Variants in ANKRD30B observed in about 807,000 individuals in gnomAD.
The protein encoded by ANKRD30B is ankyrin repeat domain 30B, also known as ankyrin repeat domain-containing protein 30B.
In ANKRD30B, 144 loss-of-function variants were observed where a neutral mutation model predicts 202.2. That is an observed-to-expected ratio of 0.71 (90% CI 0.62 to 0.82). The LOEUF is 0.82. ANKRD30B is among the 40% of genes least tolerant of loss of function. The pLI, the probability that ANKRD30B is intolerant of heterozygous loss-of-function variation, is 0.00. For synonymous variants in ANKRD30B, 508 were observed against 561.3 expected, an observed-to-expected ratio of 0.91 and a Z score of 1.34; for missense variants, 1,487 against 1,669.1, an observed-to-expected ratio of 0.89 and a Z score of 1.90.
At chr18:14,896,146 T>C in the ANKRD30B span, among the ~76,000 whole-genome samples, 1 of 151,970 alleles carries the variant, frequency 6.6e-6, no homozygotes, top group Non-Finnish European at 1.5e-5. Flanking sequence ...ATTTTTTTTT[T>C]TTTTTGAGGC....
At chr18:14,835,598 A>T (rs1339168626) in intron 34 of ANKRD30B, among the ~76,000 whole-genome samples, 2 of 151,586 alleles carry the variant, frequency 1.3e-5, no homozygotes, top group African/African-American at 4.8e-5. Flanking sequence ...TCTGCTTGAC[A>T]ATCATAGATA....
chr18:14,818,522 C>A (rs1970238816), intron 30 of ANKRD30B, among the ~76,000 whole-genome samples: 1 of 96,038 alleles, frequency 1.0e-5, no homozygotes, highest in Non-Finnish European at 2.2e-5. Context: ...TCCCCCCACC[C>A]TACAACAGTC....
intron 9 of ANKRD30B, among the ~76,000 whole-genome samples, chr18:14,774,811 T>C (rs183180282): frequency 1.9e-4 from 29 of 152,056 alleles, no homozygotes; most frequent in Non-Finnish European, 7.4e-5. Flanking sequence ...ATTTTTGTTC[T>C]AGGTTATTTT....
the ANKRD30B span, among the ~76,000 whole-genome samples, chr18:14,873,894 G>C: frequency 1.3e-5 from 2 of 152,110 alleles, no homozygotes; most frequent in African/African-American, 4.8e-5. Flanking sequence ...TCCTCATTAG[G>C]GAGATGTACC....
chr18:14,819,008 TC>T (rs1390555719), intron 30 of ANKRD30B, among the ~76,000 whole-genome samples: 1 of 152,124 alleles, frequency 6.6e-6, no homozygotes, highest in Non-Finnish European at 1.5e-5. Flanking sequence ...TTTCTCCACA[TC>T]CTCTCCAGCA....
chr18:14,852,626 G>A (rs1971940042), intron 42 of ANKRD30B: 1 of 527,118 alleles, frequency 1.9e-6, no homozygotes, highest in Non-Finnish European at 2.9e-6. Context: ...TGTCACTGAT[G>A]AAATTATAAG....
At chr18:14,873,335 C>A in the ANKRD30B span, among the ~76,000 whole-genome samples, 3 of 151,842 alleles carry the variant, frequency 2.0e-5, no homozygotes, top group African/African-American at 7.3e-5. Context: ...ACCAGCCTGG[C>A]CAACATGGTG....
chr18:14,844,759 T>C (rs574057050), intron 39 of ANKRD30B, among the ~76,000 whole-genome samples: 58 of 152,310 alleles, frequency 3.8e-4, no homozygotes, highest in African/African-American at 1.3e-3. Context: ...TTTCCTGACT[T>C]TTTAATGATC....
intron 5 of ANKRD30B, among the ~76,000 whole-genome samples, chr18:14,760,270 C>T (rs1421000180): frequency 6.6e-6 from 1 of 152,122 alleles, no homozygotes; most frequent in Non-Finnish European, 1.5e-5. Context: ...TGCGCTAGGA[C>T]TTTTTCTGAG....
rs1017443332 is a variant in ANKRD30B, at chr18:14,796,498, T to A, written c.1927+83T>A. On this transcript the variant is annotated intron_variant, in intron 18 of 43. Coordinates refer to ENST00000690538, the MANE Select transcript of ANKRD30B (RefSeq NM_001367607.2). ...GCCGAGAGGCTTTTATTCCCAATGT[T>A]GTTTTCTTTTGAAAATTTGGTGGGA... is the stretch of plus-strand genomic sequence containing the variant. 9 of 1,427,958 alleles carry A rather than the reference T, an allele frequency of 6.3e-6. No homozygotes were observed. In the African/African-American group the frequency reaches 1.3e-4, roughly 21 times the overall value. 88.5% of individuals were successfully genotyped at this position (1,427,958 alleles called of 1,614,324 possible).
chr18:14,753,093 G>A, intron 3 of ANKRD30B, 81 bp downstream of exon 3: 2 of 1,124,874 alleles, frequency 1.8e-6, no homozygotes, highest in South Asian at 4.7e-5. Flanking sequence ...TTTTATATTT[G>A]GAAACACAAA....
intron 3 of ANKRD30B, among the ~76,000 whole-genome samples, chr18:14,754,234 T>C (rs1443433497): frequency 1.3e-5 from 2 of 152,178 alleles, no homozygotes; most frequent in African/African-American, 4.8e-5. Context: ...ATTGATAGAA[T>C]AGAATCAAGA....
intron 32 of ANKRD30B, among the ~76,000 whole-genome samples, chr18:14,827,873 T>A (rs1475581457): frequency 1.3e-5 from 2 of 152,158 alleles, no homozygotes; most frequent in Admixed American, 6.5e-5. Flanking sequence ...TTCCTTGCAT[T>A]TGAGAACTAC....
chr18:14,911,192 T>G, the ANKRD30B span, among the ~76,000 whole-genome samples: 1 of 152,234 alleles, frequency 6.6e-6, no homozygotes, highest in Non-Finnish European at 1.5e-5. Flanking sequence ...TACATTTTTT[T>G]TTGCCAAGGC....
chr18:14,765,268 G>A (rs1349771386), intron 7 of ANKRD30B, among the ~76,000 whole-genome samples: 1 of 152,198 alleles, frequency 6.6e-6, no homozygotes, highest in East Asian at 1.9e-4. Context: ...TTCGAGAACA[G>A]CTTGGCCAAT....
At chr18:14,824,021 G>T (rs912633849) in intron 32 of ANKRD30B, among the ~76,000 whole-genome samples, 2 of 152,164 alleles carry the variant, frequency 1.3e-5, no homozygotes, top group Non-Finnish European at 2.9e-5. Context: ...CCACATATGT[G>T]TGTGGTTCTA....
In ANKRD30B at chr18:14,854,178, CTT is replaced by C. The variant is rs556599802; in HGVS notation, c.*34-5_*34-4del. On this transcript the variant is annotated splice_polypyrimidine_tract_variant and intron_variant, in intron 43 of 43. Coordinates refer to ENST00000690538, the MANE Select transcript of ANKRD30B (RefSeq NM_001367607.2). ...GTGGCTATCATTCTGCAATGTTTTTCTTTTTTTTTTCAGATTAAACAGTAAAG... is the reference window on the plus strand; with the variant it reads ...GTGGCTATCATTCTGCAATGTTTTTCTTTTTTTTCAGATTAAACAGTAAAG... Among the ~76,000 whole-genome samples the C allele has an allele frequency of 1.4e-5, 2 of 145,946 alleles. No homozygotes were observed. Among genetic ancestry groups the C allele is most frequent in the African/African-American group, 5.0e-5 (2 of 39,756 alleles).
At chr18:14,826,691 TCTCA>T (rs1312412727) in intron 32 of ANKRD30B, among the ~76,000 whole-genome samples, 18 of 83,768 alleles carry the variant, frequency 2.1e-4, no homozygotes, top group African/African-American at 6.3e-4. Flanking sequence ...TCTCTCTCTC[TCTCA>T]CACACACACA....
At chr18:14,887,269 C>T in the ANKRD30B span, among the ~76,000 whole-genome samples, 1 of 152,022 alleles carries the variant, frequency 6.6e-6, no homozygotes, top group Non-Finnish European at 1.5e-5. Context: ...CTAACTGTAT[C>T]TTCTATGTTG....
Sources: allele counts gnomAD v4.1 joint callset (sites outside exome capture counted in the v4.1 genomes callset), GRCh38; gene constraint gnomAD v4.1.1; transcripts MANE v1.5; gene names NCBI Gene and HGNC (gene_info 2026-07-23, HGNC 2026-07-21).